PTPRK: variants seen among roughly 807,000 people sequenced by gnomAD.
PTPRK encodes the protein protein tyrosine phosphatase receptor type K, also known as receptor-type tyrosine-protein phosphatase kappa.
A neutral mutation model predicts 178.0 loss-of-function variants in PTPRK; 75 were observed. The ratio of observed to expected loss-of-function variants is 0.42; its 90% CI spans 0.35 to 0.51. PTPRK has a LOEUF of 0.51. Among genes scored for constraint, PTPRK ranks in the 20% least tolerant of loss-of-function variants. PTPRK has a pLI of 0.02. For synonymous variants in PTPRK, 637 were observed against 620.6 expected (o/e 1.03, Z -0.39); for missense variants, 1,441 against 1,797.8 (o/e 0.80, Z 3.59).
chr6:128,147,125 T>C (rs2114538528), intron 7 of PTPRK, among the ~76,000 whole-genome samples: 1 of 152,330 alleles, frequency 6.6e-6, no homozygotes, highest in East Asian at 1.9e-4. Context: ...TTCTAAGTAG[T>C]AAATATTATT....
chr6:128,006,717 T>A (rs1778465693), intron 14 of PTPRK, among the ~76,000 whole-genome samples: 1 of 151,000 alleles, frequency 6.6e-6, no homozygotes, highest in Non-Finnish European at 1.5e-5. Context: ...GCTGTGCATG[T>A]AAAATATAAT....
chr6:128,352,049 G>A (rs1207052998), intron 2 of PTPRK, among the ~76,000 whole-genome samples: 1 of 151,936 alleles, frequency 6.6e-6, no homozygotes, highest in African/African-American at 2.4e-5. Context: ...GAGGTCAGGA[G>A]TTCGAGACCA....
chr6:128,202,407 C>T (rs1408547585), intron 6 of PTPRK, among the ~76,000 whole-genome samples: 2 of 152,164 alleles, frequency 1.3e-5, no homozygotes, highest in Non-Finnish European at 2.9e-5. Context: ...TGTGTGATGT[C>T]CCAGCAGAGC....
At chr6:128,094,830 A>G (rs1303058750) in intron 7 of PTPRK, among the ~76,000 whole-genome samples, 1 of 152,104 alleles carries the variant, frequency 6.6e-6, no homozygotes, top group East Asian at 1.9e-4. Flanking sequence ...AAAAGAGAGA[A>G]GGTAATAGAT....
At chr6:128,301,678 T>C (rs1233590373) in intron 3 of PTPRK, among the ~76,000 whole-genome samples, 2 of 152,192 alleles carry the variant, frequency 1.3e-5, no homozygotes, top group Non-Finnish European at 2.9e-5. Flanking sequence ...AGTAATTCTA[T>C]AAATGCACAT....
chr6:128,250,549 A>G (rs540143511), intron 3 of PTPRK, among the ~76,000 whole-genome samples: 2 of 152,334 alleles, frequency 1.3e-5, no homozygotes, highest in South Asian at 4.1e-4. Flanking sequence ...ATGAGAATAG[A>G]CATTTAGCTC....
chr6:128,041,748 A>G (rs937111045), intron 13 of PTPRK, among the ~76,000 whole-genome samples: 5 of 151,684 alleles, frequency 3.3e-5, no homozygotes, highest in African/African-American at 9.7e-5. Flanking sequence ...ATATATGTAT[A>G]TATATGTGTG....
chr6:128,424,072 A>G (rs1843801365), intron 1 of PTPRK, among the ~76,000 whole-genome samples: 1 of 151,534 alleles, frequency 6.6e-6, no homozygotes, highest in Non-Finnish European at 1.5e-5. Flanking sequence ...AAGTAAAAAA[A>G]AAAAAAAAAA....
At chr6:128,214,641 T>G (rs1808899479) in intron 6 of PTPRK, among the ~76,000 whole-genome samples, 1 of 151,990 alleles carries the variant, frequency 6.6e-6, no homozygotes, top group African/African-American at 2.4e-5. Flanking sequence ...TGTAGTCATA[T>G]TTCTCTCCTA....
At chr6:128,119,262 GT>G (rs1792065175) in intron 7 of PTPRK, among the ~76,000 whole-genome samples, 2 of 151,256 alleles carry the variant, frequency 1.3e-5, no homozygotes, top group Non-Finnish European at 3.0e-5. Context: ...CCATGGATGT[GT>G]TTTTTGGTTT....
At chr6:128,361,917 C>G (rs1165832641) in intron 2 of PTPRK, among the ~76,000 whole-genome samples, 2 of 152,134 alleles carry the variant, frequency 1.3e-5, no homozygotes, top group African/African-American at 4.8e-5. Flanking sequence ...AGCTTATTCT[C>G]ACCCAATCAT....
chr6:128,036,752 T>A (rs75166567), intron 13 of PTPRK, among the ~76,000 whole-genome samples: 2 of 151,766 alleles, frequency 1.3e-5, no homozygotes, highest in African/African-American at 4.9e-5. Context: ...TTTTTTTTTT[T>A]AAGATGGAGC....
At position 127,990,792 on chromosome 6, in the gene PTPRK, C is replaced by T. The variant is rs1453476758; in HGVS notation, c.3073G>A (p.Val1025Ile). ...ACCCTTTCCAGGGTGAATGTCCTAA[C>T]TACATATTCAGCAAGTGGTTCCATT... ...VEMEPLAEYV[V>I]RTFTLERRGY... The change falls in exon 21 of 30, where the codon GTT becomes ATT. Residue 1025 changes from valine (V) to isoleucine (I), a missense_variant. Transcript: ENST00000368226. 13 of 1,607,962 alleles carry T rather than the reference C, an allele frequency of 8.1e-6. No individual in the cohort carries two copies. The highest frequency in any genetic ancestry group is 1.3e-5 in the African/African-American group (1 of 74,838).
intron 3 of PTPRK, among the ~76,000 whole-genome samples, chr6:128,305,002 T>A (rs1297604129): frequency 6.6e-6 from 1 of 151,892 alleles, no homozygotes; most frequent in Admixed American, 6.6e-5. Flanking sequence ...ACTTCCATAT[T>A]TCTTAAATAA....
At chr6:128,103,618 A>T (rs763770295) in intron 7 of PTPRK, among the ~76,000 whole-genome samples, 1 of 152,144 alleles carries the variant, frequency 6.6e-6, no homozygotes, top group Non-Finnish European at 1.5e-5. Flanking sequence ...GGGGTCACAG[A>T]ACTCTCCCAC....
chr6:128,185,510 T>A (rs1802610226), intron 6 of PTPRK, among the ~76,000 whole-genome samples: 1 of 152,118 alleles, frequency 6.6e-6, no homozygotes, highest in Non-Finnish European at 1.5e-5. Context: ...CCGAACTTTA[T>A]GAAGGACTCA....
rs149152691 is a variant in PTPRK at position 128,006,900 on chromosome 6, G to C, written c.2334-1656C>G. ...CAATTGAATTATACACCATTCTTTT[G>C]CAAAACAACCAAAAAGACATGGAAC... On this transcript the variant is annotated intron_variant, in intron 14 of 29. Transcript: ENST00000368226. Among the ~76,000 whole-genome samples, 1,246 of 150,728 alleles carry C rather than the reference G, an allele frequency of 8.3e-3. 21 individuals carry two copies. Among genetic ancestry groups the C allele is most frequent in the African/African-American group, 0.028 (1,172 of 41,318 alleles).
At chr6:128,107,502 T>G (rs1407004464) in intron 7 of PTPRK, among the ~76,000 whole-genome samples, 2 of 152,172 alleles carry the variant, frequency 1.3e-5, no homozygotes, top group African/African-American at 4.8e-5. Flanking sequence ...AGCTGTATAA[T>G]GTAAAAAGTG....
At chr6:128,150,606 T>A (rs1797113094) in intron 7 of PTPRK, among the ~76,000 whole-genome samples, 1 of 152,146 alleles carries the variant, frequency 6.6e-6, no homozygotes, top group South Asian at 2.1e-4. Flanking sequence ...TTCAAACAGC[T>A]GACTGCTATT....
Sources: gnomAD v4.1 joint callset for allele counts (sites outside exome capture counted in the v4.1 genomes callset) on GRCh38, gnomAD v4.1.1 for gene constraint, MANE v1.5 for transcripts, NCBI Gene and HGNC (gene_info 2026-07-23, HGNC 2026-07-21) for gene names.